The following NRG1 variants were observed in gnomAD, a reference collection of about 807,000 sequenced individuals.
The protein encoded by NRG1 is neuregulin 1, also known as pro-neuregulin-1, membrane-bound isoform.
Under a neutral mutation model 63.8 loss-of-function variants are expected in NRG1, and 18 were observed. The observed-to-expected ratio is 0.28, with a 90% CI of 0.19 to 0.42. The LOEUF (loss-of-function observed/expected upper bound fraction) is 0.42. Among genes scored for constraint, NRG1 ranks in the 10% least tolerant of loss-of-function variants. NRG1 has a pLI of 1.00. For missense variants in NRG1, 762 were observed against 814.7 expected (o/e 0.94, Z 0.79); for synonymous variants, 302 against 301.3 (o/e 1.00, Z -0.02).
At chr8:32,634,313 CTCTT>C (rs1688272906) in intron 5 of NRG1, among the ~76,000 whole-genome samples, 1 of 151,962 alleles carries the variant, frequency 6.6e-6, no homozygotes, top group Non-Finnish European at 1.5e-5. Context: ...CTGATTAAAA[CTCTT>C]AAAAAAATGA....
intron 1 of NRG1, among the ~76,000 whole-genome samples, chr8:32,477,674 A>T (rs977671796): frequency 6.6e-6 from 1 of 152,172 alleles, no homozygotes. Flanking sequence ...AGTAGGTTAG[A>T]TGGGGTGGTG....
chr8:31,846,226 A>G (rs977068096), intron 1 of NRG1, among the ~76,000 whole-genome samples: 6 of 152,250 alleles, frequency 3.9e-5, no homozygotes, highest in Non-Finnish European at 5.9e-5. Context: ...ATTTCAGAAT[A>G]TAGTTACACA....
intron 1 of NRG1, among the ~76,000 whole-genome samples, chr8:32,507,505 A>T (rs1319459635): frequency 6.6e-6 from 1 of 152,198 alleles, no homozygotes; most frequent in Non-Finnish European, 1.5e-5. Flanking sequence ...ATTTGAGGAA[A>T]CAACTTTGCT....
At chr8:31,925,336 T>C (rs1320648932) in intron 1 of NRG1, among the ~76,000 whole-genome samples, 1 of 151,730 alleles carries the variant, frequency 6.6e-6, no homozygotes, top group Non-Finnish European at 1.5e-5. Flanking sequence ...ATCAGTATTT[T>C]TTTCATATTT....
chr8:31,809,059 C>T (rs1822574933), intron 1 of NRG1, among the ~76,000 whole-genome samples: 2 of 151,878 alleles, frequency 1.3e-5, no homozygotes, highest in Admixed American at 6.6e-5. Context: ...AAATGTTTTT[C>T]TACAGACTTG....
At chr8:32,048,446 C>CATATATATATATATATAT (rs869311093) in intron 1 of NRG1, among the ~76,000 whole-genome samples, 1 of 6,710 alleles carries the variant, frequency 1.5e-4, no homozygotes, top group African/African-American at 1.7e-4. Context: ...TATATACATA[C>CATATATATATATATATAT]ATATATATAT....
At chr8:31,925,133 T>A (rs1431945680) in intron 1 of NRG1, among the ~76,000 whole-genome samples, 1 of 148,384 alleles carries the variant, frequency 6.7e-6, no homozygotes, top group Non-Finnish European at 1.5e-5. Context: ...GACATATATA[T>A]GTGTGTGTGT....
At chr8:32,172,170 G>A (rs1840140410) in intron 1 of NRG1, among the ~76,000 whole-genome samples, 1 of 152,216 alleles carries the variant, frequency 6.6e-6, no homozygotes, top group Admixed American at 6.5e-5. Flanking sequence ...CGATCAGGCA[G>A]TAACATTTGC....
chr8:32,233,984 T>G (rs1347442052), intron 1 of NRG1, among the ~76,000 whole-genome samples: 1 of 152,196 alleles, frequency 6.6e-6, no homozygotes, highest in East Asian at 1.9e-4. Flanking sequence ...AGATTTTTAT[T>G]TCAGTGGCTT....
At chr8:32,497,178 G>A (rs1175562177) in intron 1 of NRG1, among the ~76,000 whole-genome samples, 5 of 152,122 alleles carry the variant, frequency 3.3e-5, no homozygotes, top group Admixed American at 2.6e-4. Context: ...CAGGCACGGT[G>A]GCTCACGCCT....
At chr8:32,010,155 A>G (rs1213629342) in intron 1 of NRG1, among the ~76,000 whole-genome samples, 2 of 152,038 alleles carry the variant, frequency 1.3e-5, no homozygotes, top group African/African-American at 4.8e-5. Context: ...TAATTACTTC[A>G]TACCCCAAAT....
At chr8:31,706,522 T>G (rs2131222453) in intron 1 of NRG1, among the ~76,000 whole-genome samples, 1 of 152,314 alleles carries the variant, frequency 6.6e-6, no homozygotes, top group African/African-American at 2.4e-5. Context: ...CTGCAAAGAA[T>G]ATTATATATG....
chr8:32,475,888 T>C (rs1279190910), intron 1 of NRG1, among the ~76,000 whole-genome samples: 2 of 152,230 alleles, frequency 1.3e-5, no homozygotes, highest in African/African-American at 4.8e-5. Context: ...GAACATGTAT[T>C]GATCCTATGT....
intron 5 of NRG1, among the ~76,000 whole-genome samples, chr8:32,707,522 A>G (rs1390267074): frequency 1.3e-5 from 2 of 152,108 alleles, no homozygotes; most frequent in Non-Finnish European, 2.9e-5. Flanking sequence ...CTATTCAGCA[A>G]TGACACAGTT....
At chr8:31,885,942 C>T (rs1175854600) in intron 1 of NRG1, among the ~76,000 whole-genome samples, 3 of 151,892 alleles carry the variant, frequency 2.0e-5, no homozygotes, top group African/African-American at 7.3e-5. Flanking sequence ...GAGCATAAAC[C>T]AATAGAGGTG....
intron 1 of NRG1, among the ~76,000 whole-genome samples, chr8:32,127,584 A>T (rs1834264433): frequency 6.6e-6 from 1 of 150,624 alleles, no homozygotes; most frequent in African/African-American, 2.4e-5. Context: ...AAATGAGGAG[A>T]TCTTGGTCTT....
chr8:32,012,613 G>A (rs1563678906), intron 1 of NRG1, among the ~76,000 whole-genome samples: 1 of 152,032 alleles, frequency 6.6e-6, no homozygotes, highest in Non-Finnish European at 1.5e-5. Flanking sequence ...TTTACATTTT[G>A]TCTCCATCAT....
intron 1 of NRG1, among the ~76,000 whole-genome samples, chr8:32,497,653 T>G (rs532472328): frequency 1.3e-5 from 2 of 152,264 alleles, no homozygotes; most frequent in East Asian, 3.9e-4. Flanking sequence ...AAGCTGCCAC[T>G]GTGCAGAGAA....
chr8:32,106,904 A>C (rs1427707873), intron 1 of NRG1, among the ~76,000 whole-genome samples: 1 of 152,198 alleles, frequency 6.6e-6, no homozygotes, highest in African/African-American at 2.4e-5. Flanking sequence ...TCTTATTAAA[A>C]TTTAGTTACA....
Sources: allele counts gnomAD v4.1 joint callset (sites outside exome capture counted in the v4.1 genomes callset), GRCh38; gene constraint gnomAD v4.1.1; transcripts MANE v1.5; gene names NCBI Gene and HGNC (gene_info 2026-07-23, HGNC 2026-07-21).